The following PXK variants were observed in gnomAD, a reference collection of about 807,000 sequenced individuals.
The protein encoded by PXK is PX domain containing serine/threonine kinase like, also known as PX domain-containing protein kinase-like protein.
Under a neutral mutation model 84.7 loss-of-function variants are expected in PXK, and 35 were observed. The ratio of observed to expected loss-of-function variants is 0.41; its 90% CI spans 0.32 to 0.55. The LOEUF is 0.55. PXK is among the 20% of genes least tolerant of loss of function. The pLI is 0.21. For missense variants in PXK, 634 were observed against 699.7 expected (o/e 0.91, Z 1.06); for synonymous variants, 253 against 260.8 (o/e 0.97, Z 0.29).
At chr3:58,375,648 C>A (rs1389689755) in intron 3 of PXK, among the ~76,000 whole-genome samples, 2 of 152,178 alleles carry the variant, frequency 1.3e-5, no homozygotes, top group Non-Finnish European at 2.9e-5. Context: ...TCTGGGTACT[C>A]CAGTTTCTTC....
chr3:58,423,708 G>C (rs974196368), intron 17 of PXK, among the ~76,000 whole-genome samples: 2 of 152,200 alleles, frequency 1.3e-5, no homozygotes, highest in African/African-American at 4.8e-5. Flanking sequence ...GAGGGACAGA[G>C]ACAGCATCTG....
intron 1 of PXK, among the ~76,000 whole-genome samples, chr3:58,357,941 G>A (rs143739652): frequency 6.6e-6 from 1 of 151,468 alleles, no homozygotes; most frequent in Non-Finnish European, 1.5e-5. Flanking sequence ...CTCCAGCCTG[G>A]GTGACAAAGT....
intron 17 of PXK, among the ~76,000 whole-genome samples, chr3:58,424,059 G>GT (rs1445208757): frequency 6.6e-6 from 1 of 152,124 alleles, no homozygotes; most frequent in East Asian, 1.9e-4. Flanking sequence ...GGATTTCTCT[G>GT]TAAGAATACC....
chr3:58,336,077 T>A (rs201085719), intron 1 of PXK, among the ~76,000 whole-genome samples: 1,231 of 65,414 alleles, frequency 0.019, 3 homozygotes, highest in African/African-American at 0.035. Flanking sequence ...ATATATTTTT[T>A]TTTTTTTTTT....
chr3:58,408,623 C>T (rs9860388), intron 13 of PXK, among the ~76,000 whole-genome samples: 2,798 of 151,864 alleles, frequency 0.018, 101 homozygotes, highest in African/African-American at 0.064. Context: ...CCCGGGTTCA[C>T]GCCATTCTCC....
At chr3:58,340,983 T>C (rs1265518796) in intron 1 of PXK, among the ~76,000 whole-genome samples, 1 of 151,904 alleles carries the variant, frequency 6.6e-6, no homozygotes, top group South Asian at 2.1e-4. Flanking sequence ...CTTTTTTTTT[T>C]TTTTCCTTAA....
At chr3:58,338,048 T>A (rs531504936) in intron 1 of PXK, among the ~76,000 whole-genome samples, 6 of 152,106 alleles carry the variant, frequency 3.9e-5, no homozygotes, top group African/African-American at 1.4e-4. Flanking sequence ...CTGAATACTT[T>A]AAAAATTTCT....
At chr3:58,344,884 G>C (rs1575719687) in intron 1 of PXK, among the ~76,000 whole-genome samples, 1 of 152,324 alleles carries the variant, frequency 6.6e-6, no homozygotes, top group East Asian at 1.9e-4. Context: ...GCTCAGCCAT[G>C]AGCTCCCGGA....
rs1451583616 is a variant in PXK, at chr3:58,378,492, C to CTTCTTTTTTTT, written c.202-4020_202-4019insCTTTTTTTTTT. On this transcript the variant is annotated intron_variant, in intron 3 of 17. Coordinates refer to ENST00000356151, the MANE Select transcript of PXK (RefSeq NM_017771.5). ...ATTGGATTTGGACTTCATTTTTCTT[C>CTTCTTTTTTTT]TTTTTTTTTTTTTTTTTTTTTGTGT... Among the ~76,000 whole-genome samples the CTTCTTTTTTTT allele has an allele frequency of 7.8e-4, 19 of 24,316 alleles. 5 individuals carry two copies. Among genetic ancestry groups the CTTCTTTTTTTT allele is most frequent in the African/African-American group, 2.7e-3 (19 of 7,140 alleles). 16.0% of individuals were successfully genotyped at this position (24,316 alleles called of 152,430 possible). A position where few individuals can be genotyped will look rare whatever the true frequency, so the allele number is the denominator to read the frequency against.
chr3:58,358,246 T>C (rs2098124484), intron 1 of PXK, among the ~76,000 whole-genome samples: 1 of 152,206 alleles, frequency 6.6e-6, no homozygotes. Flanking sequence ...CCACAGCATA[T>C]TCTTCGTGTC....
chr3:58,418,466 C>T (rs938699548), intron 17 of PXK, among the ~76,000 whole-genome samples: 1 of 152,162 alleles, frequency 6.6e-6, no homozygotes, highest in Non-Finnish European at 1.5e-5. Flanking sequence ...CTGCTTTCTT[C>T]AGGGTGCGCT....
intron 9 of PXK, among the ~76,000 whole-genome samples, chr3:58,396,141 AC>A (rs1371113444): frequency 6.6e-6 from 1 of 151,954 alleles, no homozygotes; most frequent in African/African-American, 2.4e-5. Context: ...TTCCGACATC[AC>A]CCTCTAGATC....
At chr3:58,367,824 A>G (rs2098297691) in intron 2 of PXK, among the ~76,000 whole-genome samples, 1 of 152,120 alleles carries the variant, frequency 6.6e-6, no homozygotes, top group African/African-American at 2.4e-5. Flanking sequence ...CTGGAACTAT[A>G]GGCAGGTGCC....
At position 58,414,044 on chromosome 3, in the gene PXK, A is replaced by T. The variant is rs1468641500; in HGVS notation, c.1528+1081A>T. 1.3e-5 allele frequency: 2 copies of T among 152,122 alleles called. No individual in the cohort carries two copies. Among genetic ancestry groups the T allele is most frequent in the African/African-American group, 4.8e-5 (2 of 41,402 alleles). 9.4% of individuals were successfully genotyped at this position (152,122 alleles called of 1,614,324 possible). On this transcript the variant is annotated intron_variant, in intron 17 of 17. Coordinates refer to ENST00000356151, the MANE Select transcript of PXK (RefSeq NM_017771.5). The surrounding 1 kb of genome is among the most constrained non-coding windows in gnomAD (Gnocchi z 4.5). ...GGTAGCAAAGTACCTGGTCCATGGG[A>T]GGATATTCTTGTCCTTATCTTTGTC...
intron 4 of PXK, among the ~76,000 whole-genome samples, chr3:58,388,294 T>G (rs1026899014): frequency 6.6e-6 from 1 of 152,206 alleles, no homozygotes; most frequent in Non-Finnish European, 1.5e-5. Context: ...ATTTCCCCTG[T>G]TCCTAAAACA....
intron 3 of PXK, among the ~76,000 whole-genome samples, chr3:58,373,064 G>T (rs973824527): frequency 9.3e-5 from 14 of 150,898 alleles, no homozygotes; most frequent in African/African-American, 3.2e-4. Flanking sequence ...CCAGTGTTGA[G>T]ACCTTGAGTC....
At position 58,364,528 on chromosome 3, in the gene PXK, A is replaced by G. The variant is rs556245253; in HGVS notation, c.103-1346A>G. ...GGAGTTCGAGACCAGCTGGGCCAATATGGTGAAACCCCATCTCCGCTAAAA... is the reference window on the plus strand; with the variant it reads ...GGAGTTCGAGACCAGCTGGGCCAATGTGGTGAAACCCCATCTCCGCTAAAA... On this transcript the variant is annotated intron_variant, in intron 1 of 17. Transcript: ENST00000356151. The surrounding 1 kb of genome is among the most constrained non-coding windows in gnomAD (Gnocchi z 4.3). Among the ~76,000 whole-genome samples, 1 of 152,252 alleles carries G rather than the reference A, an allele frequency of 6.6e-6. No homozygotes were observed. The highest frequency in any genetic ancestry group is 2.1e-4 in the South Asian group (1 of 4,826).
Position 58,390,460 on chromosome 3 carries a change from TGG to T in PXK, c.389-121_389-120del. 2.0e-6 allele frequency: 1 copy of T among 511,306 alleles called. No homozygotes were observed. The allele number at this position is 511,306 out of a possible 1,614,324, so 31.7% of individuals were successfully genotyped here. A position where few individuals can be genotyped will look rare whatever the true frequency, so the allele number is the denominator to read the frequency against. ...TCTTTCTTTATTATTATTTTTTTTT[TGG>T]TAATTAAGTTTTTTAAAAAGGTCAT... On this transcript the variant is annotated intron_variant, in intron 4 of 17. Coordinates refer to ENST00000356151, the MANE Select transcript of PXK (RefSeq NM_017771.5). The surrounding 1 kb of genome is among the most constrained non-coding windows in gnomAD (Gnocchi z 4.2).
chr3:58,338,043 T>C (rs1347954489), intron 1 of PXK, among the ~76,000 whole-genome samples: 1 of 152,130 alleles, frequency 6.6e-6, no homozygotes, highest in African/African-American at 2.4e-5. Context: ...TTATACTGAA[T>C]ACTTTAAAAA....
Sources: gnomAD v4.1 joint callset for allele counts (sites outside exome capture counted in the v4.1 genomes callset) on GRCh38, gnomAD v4.1.1 for gene constraint, Gnocchi (gnomAD v3.1) non-coding constraint, MANE v1.5 for transcripts, NCBI Gene and HGNC (gene_info 2026-07-23, HGNC 2026-07-21) for gene names.